MAP3K5: variants seen among roughly 807,000 people sequenced by gnomAD.
MAP3K5 encodes mitogen-activated protein kinase kinase kinase 5, also known as ASK-1.
Under a neutral mutation model 158.7 loss-of-function variants are expected in MAP3K5, and 56 were observed. The ratio of observed to expected loss-of-function variants is 0.35; its 90% CI spans 0.28 to 0.44. The LOEUF is 0.44. Ranked by LOEUF, MAP3K5 falls within the 20% of genes least tolerant of loss-of-function variation. MAP3K5 has a pLI of 1.00. For missense variants in MAP3K5, 1,294 were observed against 1,674.8 expected (o/e 0.77, Z 3.97); for synonymous variants, 579 against 601.7 (o/e 0.96, Z 0.55).
intron 7 of MAP3K5, among the ~76,000 whole-genome samples, chr6:136,693,929 A>C (rs535026055): frequency 6.6e-6 from 1 of 152,254 alleles, no homozygotes; most frequent in Non-Finnish European, 1.5e-5. Flanking sequence ...CAGAGGTTGC[A>C]GTGAGCTAAG....
chr6:136,617,707 G>A (rs1172394600), intron 15 of MAP3K5, among the ~76,000 whole-genome samples: 2 of 152,178 alleles, frequency 1.3e-5, no homozygotes, highest in African/African-American at 2.4e-5. Flanking sequence ...GCCAAGGTGG[G>A]CAGATCACTT....
At chr6:136,579,710 G>A (rs754228843) in intron 25 of MAP3K5, 3 of 413,634 alleles carry the variant, frequency 7.3e-6, no homozygotes, top group African/African-American at 2.1e-5. Context: ...GATAATGGAG[G>A]AGGCTATGCA....
Position 136,739,891 on chromosome 6 carries a change from C to T in MAP3K5, c.449-19302G>A, listed in dbSNP as rs555150768. ...GTGTCCTGGTTGGGCCCTAAGCAAGCGGCAGTTCCTGCACCATTAGCTGTC... is the reference window on the plus strand; with the variant it reads ...GTGTCCTGGTTGGGCCCTAAGCAAGTGGCAGTTCCTGCACCATTAGCTGTC... On this transcript the variant is annotated intron_variant, in intron 1 of 29. Transcript: ENST00000359015. Among the ~76,000 whole-genome samples, 24 of 152,268 alleles carry T rather than the reference C, an allele frequency of 1.6e-4. No homozygotes were observed. The South Asian group carries it at 2.7e-3, about 17-fold the overall frequency.
At chr6:136,566,887 T>C (rs1774135340) in intron 26 of MAP3K5, among the ~76,000 whole-genome samples, 2 of 152,362 alleles carry the variant, frequency 1.3e-5, no homozygotes, top group South Asian at 4.1e-4. Flanking sequence ...AATTAAGGTT[T>C]CTAAATATTT....
intron 7 of MAP3K5, among the ~76,000 whole-genome samples, chr6:136,682,497 A>G (rs1159026493): frequency 1.3e-5 from 2 of 152,150 alleles, no homozygotes; most frequent in African/African-American, 4.8e-5. Flanking sequence ...GTAAAAACTA[A>G]ATCTTTATTA....
At chr6:136,709,439 T>C (rs530989717) in intron 2 of MAP3K5, among the ~76,000 whole-genome samples, 1 of 152,248 alleles carries the variant, frequency 6.6e-6, no homozygotes, top group East Asian at 1.9e-4. Flanking sequence ...AGGGCTCTCA[T>C]AGTCAGTCTT....
At chr6:136,690,949 G>A (rs143214827) in intron 7 of MAP3K5, among the ~76,000 whole-genome samples, 1 of 152,056 alleles carries the variant, frequency 6.6e-6, no homozygotes, top group South Asian at 2.1e-4. Context: ...ATATTTTAAA[G>A]ACATTATCAG....
At chr6:136,758,269 T>TA (rs1344585020) in intron 1 of MAP3K5, among the ~76,000 whole-genome samples, 5 of 152,052 alleles carry the variant, frequency 3.3e-5, no homozygotes, top group Non-Finnish European at 4.4e-5. Flanking sequence ...TTTAGAGCAC[T>TA]AAAAAAAATT....
At chr6:136,663,448 G>C (rs1180115673) in intron 8 of MAP3K5, among the ~76,000 whole-genome samples, 3 of 151,580 alleles carry the variant, frequency 2.0e-5, no homozygotes, top group African/African-American at 7.3e-5. Flanking sequence ...TTCCATTATT[G>C]CACCTAACAA....
At chr6:136,776,152 C>T (rs1424872985) in intron 1 of MAP3K5, among the ~76,000 whole-genome samples, 1 of 152,222 alleles carries the variant, frequency 6.6e-6, no homozygotes, top group Non-Finnish European at 1.5e-5. Context: ...ACATCAATAT[C>T]TTAATTTTAG....
chr6:136,713,722 T>G (rs1235446295), intron 2 of MAP3K5, among the ~76,000 whole-genome samples: 1 of 152,182 alleles, frequency 6.6e-6, no homozygotes, highest in Non-Finnish European at 1.5e-5. Context: ...AACAAGATTG[T>G]CTCTACCAAA....
intron 25 of MAP3K5, 132 bp from the exon 26 acceptor site, chr6:136,568,006 G>A (rs1364469426): frequency 3.1e-6 from 3 of 963,786 alleles, no homozygotes; most frequent in Admixed American, 5.2e-5. Flanking sequence ...CCAAAAGTGA[G>A]GATGGATTTC....
rs942002987 is a variant in MAP3K5 at position 136,597,734 on chromosome 6, C to T, written c.2878+3288G>A. Among the ~76,000 whole-genome samples the T allele has an allele frequency of 2.0e-5, 3 of 152,176 alleles. No individual in the cohort carries two copies. The South Asian group carries it at 6.2e-4, about 32-fold the overall frequency. On this transcript the variant is annotated intron_variant, in intron 21 of 29. Transcript: ENST00000359015. ...AGTGCCTTGTGCCTACATTCTAGTG[C>T]CAAGTGCATAGCAGAGGGTTAAAAA...
chr6:136,575,810 T>C (rs534897426), intron 25 of MAP3K5, among the ~76,000 whole-genome samples: 1 of 152,360 alleles, frequency 6.6e-6, no homozygotes, highest in Admixed American at 6.5e-5. Flanking sequence ...TTACTAGTGA[T>C]GCTTACCTTG....
intron 7 of MAP3K5, 26 bp downstream of exon 7, chr6:136,694,114 A>G (rs1356566261): frequency 6.4e-7 from 1 of 1,568,114 alleles, no homozygotes; most frequent in Non-Finnish European, 8.6e-7. Flanking sequence ...CTAAGTAAGT[A>G]GCTCATTTAT....
At chr6:136,685,834 G>A (rs1780123312) in intron 7 of MAP3K5, among the ~76,000 whole-genome samples, 1 of 152,104 alleles carries the variant, frequency 6.6e-6, no homozygotes. Flanking sequence ...GACTAATGAG[G>A]GGCATAATCC....
chr6:136,583,882 C>T (rs543605990), intron 23 of MAP3K5, 142 bp from the exon 24 acceptor site: 5 of 686,310 alleles, frequency 7.3e-6, no homozygotes, highest in Admixed American at 3.2e-5. Context: ...AGGCTGGTCT[C>T]GAACTCCTGG....
At chr6:136,792,965 C>T (rs1354555279), upstream of MAP3K5, among the ~76,000 whole-genome samples, 1 of 152,176 alleles carries the variant, frequency 6.6e-6, no homozygotes, top group Non-Finnish European at 1.5e-5. The surrounding 1 kb of genome is among the most constrained non-coding windows in gnomAD (Gnocchi z 5.7). Context: ...GCCCTGGGAC[C>T]CCAGCCCTCC....
chr6:136,686,887 T>C (rs1436335283), intron 7 of MAP3K5, among the ~76,000 whole-genome samples: 1 of 152,156 alleles, frequency 6.6e-6, no homozygotes, highest in Non-Finnish European at 1.5e-5. Flanking sequence ...CCCATTAAGC[T>C]ACCATTGACA....
Sources: allele counts gnomAD v4.1 joint callset (sites outside exome capture counted in the v4.1 genomes callset), GRCh38; gene constraint gnomAD v4.1.1; non-coding constraint Gnocchi (gnomAD v3.1); transcripts MANE v1.5; gene names NCBI Gene and HGNC (gene_info 2026-07-23, HGNC 2026-07-21).